The following FNIP2 variants were observed in gnomAD, a reference collection of about 807,000 sequenced individuals.
FNIP2 encodes folliculin-interacting protein 2.
FNIP2 carries 32 observed loss-of-function variants against 108.7 expected under a neutral mutation model. The ratio of observed to expected loss-of-function variants is 0.29; its 90% CI spans 0.22 to 0.40. The LOEUF is 0.40. Among genes scored for constraint, FNIP2 ranks in the 10% least tolerant of loss-of-function variants. FNIP2 has a pLI of 1.00. For missense variants in FNIP2, 1,202 were observed against 1,381.6 expected, an observed-to-expected ratio of 0.87 and a Z score of 2.06; for synonymous variants, 480 against 496.7, an observed-to-expected ratio of 0.97 and a Z score of 0.45.
intron 12 of FNIP2, among the ~76,000 whole-genome samples, chr4:158,864,682 C>A (rs1020298497): frequency 2.0e-5 from 3 of 152,108 alleles, no homozygotes; most frequent in Admixed American, 2.0e-4. Flanking sequence ...ATTCTTTCCT[C>A]TCCTCTTTCT....
At chr4:158,845,614 C>G (rs532640688) in intron 7 of FNIP2, among the ~76,000 whole-genome samples, 3 of 152,298 alleles carry the variant, frequency 2.0e-5, no homozygotes, top group South Asian at 4.2e-4. Flanking sequence ...TACTAGCACT[C>G]GAGCATTGCA....
At chr4:158,825,831 G>C in intron 1 of FNIP2, 85 bp from the exon 2 acceptor site, 3 of 1,496,606 alleles carry the variant, frequency 2.0e-6, no homozygotes, top group South Asian at 1.2e-5. Flanking sequence ...GTGCACACAG[G>C]CATGGTGACT....
At chr4:158,824,599 G>C (rs2126558134) in intron 1 of FNIP2, among the ~76,000 whole-genome samples, 1 of 152,212 alleles carries the variant, frequency 6.6e-6, no homozygotes, top group East Asian at 1.9e-4. Flanking sequence ...TATGAATTCT[G>C]TTTGGCCTTC....
intron 16 of FNIP2, 90 bp from the exon 17 acceptor site, chr4:158,904,376 G>C: frequency 8.4e-7 from 1 of 1,191,600 alleles, no homozygotes; most frequent in Non-Finnish European, 1.2e-6. Flanking sequence ...TTAGTACCTA[G>C]AAATAATACT....
chr4:158,793,297 G>T (rs1776481339), intron 1 of FNIP2, among the ~76,000 whole-genome samples: 2 of 152,220 alleles, frequency 1.3e-5, no homozygotes, highest in Admixed American at 6.5e-5. Context: ...TAAATGTCCA[G>T]ATGTGAAAGC....
intron 1 of FNIP2, among the ~76,000 whole-genome samples, chr4:158,770,756 C>T (rs1775670908): frequency 6.6e-6 from 1 of 152,148 alleles, no homozygotes; most frequent in African/African-American, 2.4e-5. Context: ...TGTGTAATTT[C>T]GTCCCTTCCC....
At chr4:158,859,817 C>CA (rs1315356144) in intron 10 of FNIP2, among the ~76,000 whole-genome samples, 151 bp downstream of exon 10, 3 of 152,158 alleles carry the variant, frequency 2.0e-5, no homozygotes, top group Non-Finnish European at 4.4e-5. Flanking sequence ...ACAAATGAAG[C>CA]AAAAAATTTA....
chr4:158,896,809 T>C (rs1298371109), intron 16 of FNIP2, among the ~76,000 whole-genome samples: 2 of 150,658 alleles, frequency 1.3e-5, no homozygotes, highest in Non-Finnish European at 3.0e-5. Context: ...TATATCTCTC[T>C]ACCAGCCTCA....
intron 7 of FNIP2, chr4:158,836,666 A>T (rs569226769): frequency 6.6e-6 from 1 of 151,614 alleles, no homozygotes; most frequent in East Asian, 1.9e-4. Context: ...AAAGAAAGAA[A>T]TTAGCCAGGC....
At chr4:158,811,895 C>T (rs1010395310) in intron 1 of FNIP2, among the ~76,000 whole-genome samples, 46 of 152,220 alleles carry the variant, frequency 3.0e-4, no homozygotes, top group Middle Eastern at 3.4e-3. Flanking sequence ...ACAAGCCACG[C>T]GGGTGTTTGA....
intron 14 of FNIP2, among the ~76,000 whole-genome samples, chr4:158,874,866 C>T (rs1323424839): frequency 6.6e-6 from 1 of 151,396 alleles, no homozygotes; most frequent in Non-Finnish European, 1.5e-5. Flanking sequence ...ATTGCCTGAG[C>T]TCAGGAGTTT....
At chr4:158,806,493 G>A (rs1776966297) in intron 1 of FNIP2, 1 of 1,068,154 alleles carries the variant, frequency 9.4e-7, no homozygotes, top group African/African-American at 1.6e-5. Context: ...TAAGGAGATG[G>A]AATTGTATTG....
At position 158,849,592 on chromosome 4, in the gene FNIP2, G is replaced by T. The variant is rs563173824; in HGVS notation, c.728-1729G>T. On this transcript the variant is annotated intron_variant, in intron 7 of 16. Coordinates refer to ENST00000264433, the MANE Select transcript of FNIP2 (RefSeq NM_020840.3). ...TGTAGGGGACTTTAGGAACTAGGGG[G>T]CAGGACAGAAACGTCTAATTAGGAT... 7.2e-5 allele frequency among the ~76,000 whole-genome samples: 11 copies of T among 152,216 alleles called. No individual in the cohort carries two copies. The East Asian group carries it at 2.1e-3, about 29-fold the overall frequency.
rs2126679819 is a variant in FNIP2 at position 158,861,400 on chromosome 4, A to G, written c.1207A>G (p.Met403Val). Residue 403 changes from methionine (M) to valine (V), a missense_variant, in exon 11 of 17, where the codon ATG (methionine) becomes GTG (valine). Around this residue, in one of 5 missense-constraint regions of FNIP2, gnomAD observed 878 missense variants for 990.3 expected, o/e 0.89. Coordinates refer to ENST00000264433, the MANE Select transcript of FNIP2 (RefSeq NM_020840.3). ...PRIAEPVWLT[M>V]MSGTLEKNQL... ...GATAGCTGAACCTGTATGGCTTACT[A>G]TGATGTCCGGCACTTTGGAAAAAAA... 2 of 1,614,042 alleles carry G rather than the reference A, an allele frequency of 1.2e-6. No individual in the cohort carries two copies. The highest frequency in any genetic ancestry group is 2.2e-5 in the East Asian group (1 of 44,878).
intron 8 of FNIP2, among the ~76,000 whole-genome samples, chr4:158,853,517 C>A (rs1353888721): frequency 1.3e-5 from 2 of 152,104 alleles, no homozygotes; most frequent in African/African-American, 4.8e-5. Context: ...CTAATGCTAT[C>A]CCTCCCCCAT....
intron 12 of FNIP2, among the ~76,000 whole-genome samples, 175 bp downstream of exon 12, chr4:158,861,951 T>G (rs139600336): frequency 2.7e-4 from 41 of 152,298 alleles, no homozygotes; most frequent in African/African-American, 9.9e-4. Flanking sequence ...CCTTCCTCTC[T>G]TTTTTCCCCT....
chr4:158,834,239 A>G (rs1287022687), intron 6 of FNIP2: 2 of 145,050 alleles, frequency 1.4e-5, no homozygotes, highest in African/African-American at 5.2e-5. Context: ...CTGCATCCTT[A>G]CCTGCACGGA....
rs1195628942 is a variant in FNIP2 at position 158,904,820 on chromosome 4, A to G, written c.*276A>G. On this transcript the variant is annotated 3_prime_UTR_variant, in exon 17 of 17. Transcript: ENST00000264433. ...TGACCTTTTTGGTAGGAGGAAACATAAGCACTAAACACTAAGCTGTTGCAA... is the reference window on the plus strand; with the variant it reads ...TGACCTTTTTGGTAGGAGGAAACATGAGCACTAAACACTAAGCTGTTGCAA... The G allele has an allele frequency of 1.5e-5, 6 of 404,328 alleles. No individual in the cohort carries two copies. The highest frequency in any genetic ancestry group is 6.0e-5 in the African/African-American group (3 of 49,652). The allele number at this position is 404,328 out of a possible 1,614,324, so 25.0% of individuals were successfully genotyped here. A position where few individuals can be genotyped will look rare whatever the true frequency, so the allele number is the denominator to read the frequency against.
At chr4:158,829,252 G>A (rs1020149482) in intron 3 of FNIP2, 27 bp downstream of exon 3, 1 of 1,562,160 alleles carries the variant, frequency 6.4e-7, no homozygotes. Flanking sequence ...TGTGGGAATA[G>A]CCCCTGAGGT....
Sources: allele counts gnomAD v4.1 joint callset (sites outside exome capture counted in the v4.1 genomes callset), GRCh38; gene constraint gnomAD v4.1.1; regional missense constraint gnomAD v4.1.1; transcripts MANE v1.5; gene names NCBI Gene and HGNC (gene_info 2026-07-23, HGNC 2026-07-21).